TRIM5: variants seen among roughly 807,000 people sequenced by gnomAD.
TRIM5 encodes the protein tripartite motif-containing protein 5.
In TRIM5, 31 loss-of-function variants were observed where a neutral mutation model predicts 35.6. The observed-to-expected ratio is 0.87, with a 90% CI of 0.65 to 1.18. The LOEUF is 1.18. Among genes scored for constraint, TRIM5 ranks in the 50% most tolerant of loss-of-function variants. The pLI is 0.00. For synonymous variants in TRIM5, 243 were observed against 215.6 expected (o/e 1.13, Z -1.11); for missense variants, 609 against 591.6 (o/e 1.03, Z -0.31).
At chr11:5,620,038 G>A in the TRIM5 span, 955 of 151,578 alleles carry the variant, frequency 6.3e-3, 14 homozygotes, top group Non-Finnish European at 0.011. Flanking sequence ...GCAGATTTAG[G>A]CTGTTTATTC....
chr11:5,675,764 A>C, intron 4 of TRIM5, among the ~76,000 whole-genome samples: 1 of 144,906 alleles, frequency 6.9e-6, no homozygotes, highest in African/African-American at 2.6e-5. Flanking sequence ...GGTTAGTTAC[A>C]TATGTATACA....
the TRIM5 span, chr11:5,611,192 T>C: frequency 3.1e-6 from 5 of 1,614,052 alleles, no homozygotes; most frequent in East Asian, 8.9e-5. Flanking sequence ...TCTTAGATTA[T>C]GAGGCTGGTA....
chr11:5,614,508 A>G, the TRIM5 span, among the ~76,000 whole-genome samples: 2 of 152,242 alleles, frequency 1.3e-5, no homozygotes, highest in African/African-American at 4.8e-5. Flanking sequence ...ATCATGTACA[A>G]TCAAATTTCA....
intron 1 of TRIM5, among the ~76,000 whole-genome samples, chr11:5,682,886 GC>G (rs1852614718): frequency 6.6e-6 from 1 of 152,234 alleles, no homozygotes; most frequent in African/African-American, 2.4e-5. Flanking sequence ...CACTGTGGGA[GC>G]CCCTTTCTGG....
the TRIM5 span, chr11:5,605,237 G>C: frequency 6.6e-7 from 1 of 1,519,324 alleles, no homozygotes; most frequent in Non-Finnish European, 9.1e-7. Flanking sequence ...TGGGAGGCTT[G>C]GCCCAGGAAA....
the TRIM5 span, among the ~76,000 whole-genome samples, chr11:5,657,710 A>T: frequency 7.7e-6 from 1 of 129,780 alleles, no homozygotes; most frequent in East Asian, 2.0e-4. Context: ...ATATATAAAT[A>T]TATATATATA....
At chr11:5,642,444 C>G in the TRIM5 span, 2 of 1,613,726 alleles carry the variant, frequency 1.2e-6, no homozygotes, top group Middle Eastern at 1.7e-4. Context: ...AAAATGGTTT[C>G]CAAGAAACTG....
the TRIM5 span, chr11:5,643,125 A>ATTTTT: frequency 3.8e-5 from 37 of 974,550 alleles, no homozygotes; most frequent in Non-Finnish European, 4.5e-5. Context: ...ATATATATAT[A>ATTTTT]TTTTTTTTTT....
downstream of TRIM5, chr11:5,663,091 C>T (rs1231385768): frequency 2.5e-6 from 1 of 407,054 alleles, no homozygotes; most frequent in East Asian, 1.6e-4. Flanking sequence ...TGCCATTGCA[C>T]TCCAGCTTGG....
At chr11:5,678,533 G>C in intron 3 of TRIM5, 99 bp from the exon 4 acceptor site, 1 of 920,500 alleles carries the variant, frequency 1.1e-6, no homozygotes, top group Non-Finnish European at 1.6e-6. Flanking sequence ...TCACAAGGAG[G>C]GGACATAGTA....
chr11:5,676,509 A>G (rs528406055), intron 4 of TRIM5, among the ~76,000 whole-genome samples: 2,694 of 152,302 alleles, frequency 0.018, 74 homozygotes, highest in African/African-American at 0.061. Context: ...AAGAATCAAT[A>G]TCGTGAAAAT....
the TRIM5 span, chr11:5,624,709 G>A: frequency 2.6e-5 from 4 of 152,312 alleles, no homozygotes; most frequent in South Asian, 8.3e-4. Context: ...TACCCACTAA[G>A]ATGCCAGTAG....
chr11:5,625,650 T>C, the TRIM5 span, among the ~76,000 whole-genome samples: 18 of 152,150 alleles, frequency 1.2e-4, no homozygotes, highest in Non-Finnish European at 2.6e-4. Context: ...TCCCTGACAA[T>C]AGCAGGTTGA....
the TRIM5 span, chr11:5,589,579 G>A: frequency 6.6e-6 from 1 of 152,120 alleles, no homozygotes; most frequent in Non-Finnish European, 1.5e-5. Flanking sequence ...TCTTCGGCAT[G>A]TGTTCATTTT....
At chr11:5,608,451 C>T in the TRIM5 span, 4 of 1,605,504 alleles carry the variant, frequency 2.5e-6, no homozygotes, top group Admixed American at 1.7e-5. Flanking sequence ...ATTCCTTTAC[C>T]CATGATCAGT....
the TRIM5 span, among the ~76,000 whole-genome samples, chr11:5,654,877 G>C: frequency 6.6e-6 from 1 of 151,998 alleles, no homozygotes; most frequent in East Asian, 1.9e-4. Context: ...CAGCATTTAT[G>C]TTGACTGCAA....
chr11:5,655,702 G>A, the TRIM5 span: 1 of 985,228 alleles, frequency 1.0e-6, no homozygotes, highest in South Asian at 4.7e-5. Context: ...GGCATATGCA[G>A]TCAAAAAAAG....
the TRIM5 span, among the ~76,000 whole-genome samples, chr11:5,653,221 T>C: frequency 2.3e-4 from 35 of 152,184 alleles, no homozygotes; most frequent in African/African-American, 8.2e-4. Flanking sequence ...TGCGTAACTG[T>C]ATTCCTAGGT....
the TRIM5 span, chr11:5,610,126 G>A: frequency 6.2e-7 from 1 of 1,613,692 alleles, no homozygotes; most frequent in Non-Finnish European, 8.5e-7. Flanking sequence ...TGGGAACTCA[G>A]AAGTCCTGTC....
Sources: gnomAD v4.1 joint callset for allele counts (sites outside exome capture counted in the v4.1 genomes callset) on GRCh38, gnomAD v4.1.1 for gene constraint, MANE v1.5 for transcripts, NCBI Gene and HGNC (gene_info 2026-07-23, HGNC 2026-07-21) for gene names.